Variants in UBE2E2 observed in about 807,000 individuals in gnomAD.
UBE2E2 encodes ubiquitin conjugating enzyme E2 E2.
A neutral mutation model predicts 24.7 loss-of-function variants in UBE2E2; 6 were observed. That is an observed-to-expected ratio of 0.24 (90% CI 0.13 to 0.48). UBE2E2 has a LOEUF of 0.48. Among genes scored for constraint, UBE2E2 ranks in the 20% least tolerant of loss-of-function variants. UBE2E2 has a pLI of 0.99. For synonymous variants in UBE2E2, 104 were observed against 83.6 expected, an observed-to-expected ratio of 1.24 and a Z score of -1.33; for missense variants, 169 against 245.0, an observed-to-expected ratio of 0.69 and a Z score of 2.07.
intron 3 of UBE2E2, among the ~76,000 whole-genome samples, chr3:23,441,086 C>T (rs773188840): frequency 2.6e-5 from 4 of 152,166 alleles, no homozygotes; most frequent in Non-Finnish European, 5.9e-5. Flanking sequence ...GGGGTTTTTA[C>T]ACCGACTTGC....
chr3:23,457,346 A>G (rs1698701475), intron 3 of UBE2E2, among the ~76,000 whole-genome samples: 1 of 152,210 alleles, frequency 6.6e-6, no homozygotes, highest in Admixed American at 6.5e-5. Flanking sequence ...AGCTCAAGGT[A>G]TAACACTTAC....
At chr3:23,386,949 C>G (rs1386479058) in intron 3 of UBE2E2, among the ~76,000 whole-genome samples, 1 of 152,170 alleles carries the variant, frequency 6.6e-6, no homozygotes, top group Non-Finnish European at 1.5e-5. Flanking sequence ...GCCTGACCTT[C>G]TGATCAGTTA....
At chr3:23,545,024 T>TGCCC (rs1418289965) in intron 5 of UBE2E2, among the ~76,000 whole-genome samples, 1 of 152,260 alleles carries the variant, frequency 6.6e-6, no homozygotes, top group Non-Finnish European at 1.5e-5. Context: ...GCAGTATTGC[T>TGCCC]GCCCGCATGT....
chr3:23,309,630 T>C (rs989457947), intron 3 of UBE2E2, among the ~76,000 whole-genome samples: 2 of 152,188 alleles, frequency 1.3e-5, no homozygotes, highest in Non-Finnish European at 2.9e-5. Flanking sequence ...GTATACTGTA[T>C]GTCAGAGCAT....
At position 23,489,842 on chromosome 3, in the gene UBE2E2, C is replaced by T. The variant is rs183383808; in HGVS notation, c.228-9766C>T. ...CTTTTCTGACCCTTAATATTATCGC[C>T]TTTGAAATGAAGGCCTTCAATGGAA... On this transcript the variant is annotated intron_variant, in intron 3 of 5. Transcript: ENST00000396703. Among the ~76,000 whole-genome samples, 233 of 152,256 alleles carry T rather than the reference C, an allele frequency of 1.5e-3. 1 individual carries two copies. Among genetic ancestry groups the T allele is most frequent in the Non-Finnish European group, 2.9e-3 (194 of 68,024 alleles).
At position 23,488,792 on chromosome 3, in the gene UBE2E2, G is replaced by A. The variant is rs149763267; in HGVS notation, c.228-10816G>A. On this transcript the variant is annotated intron_variant, in intron 3 of 5. Coordinates refer to ENST00000396703, the MANE Select transcript of UBE2E2 (RefSeq NM_152653.4). ...TTTCCCTGCCTAACAGGTGGGAGGT[G>A]GGGGCGGAATTAATTTAAGAAATAT... Among the ~76,000 whole-genome samples the A allele has an allele frequency of 2.6e-4, 39 of 152,258 alleles. No homozygotes were observed. The East Asian group carries it at 6.2e-3, about 24-fold the overall frequency.
At chr3:23,563,344 G>T (rs1361678539) in intron 5 of UBE2E2, among the ~76,000 whole-genome samples, 1 of 152,154 alleles carries the variant, frequency 6.6e-6, no homozygotes, top group African/African-American at 2.4e-5. Context: ...AGTGATTCAG[G>T]AGCGGGTTGT....
At chr3:23,495,298 G>GCA (rs1232214224) in intron 3 of UBE2E2, among the ~76,000 whole-genome samples, 1 of 152,160 alleles carries the variant, frequency 6.6e-6, no homozygotes, top group African/African-American at 2.4e-5. Context: ...TTGAGTTTAT[G>GCA]TTATCTGCAG....
In UBE2E2 at chr3:23,342,035, C is replaced by T. The variant is rs535151399; in HGVS notation, c.227+124723C>T. On this transcript the variant is annotated intron_variant, in intron 3 of 5. Coordinates refer to ENST00000396703, the MANE Select transcript of UBE2E2 (RefSeq NM_152653.4). ...TTCTTGCCCAAGCATTAGGTGTTTA[C>T]AAAATGTATTGTTTACAGTGGAGAC... is the stretch of plus-strand genomic sequence containing the variant. Among the ~76,000 whole-genome samples the T allele has an allele frequency of 4.6e-5, 7 of 152,270 alleles. No individual in the cohort carries two copies. The East Asian group carries it at 1.3e-3, about 29-fold the overall frequency.
intron 3 of UBE2E2, among the ~76,000 whole-genome samples, chr3:23,275,454 A>C (rs1002432289): frequency 3.9e-5 from 6 of 152,196 alleles, no homozygotes; most frequent in African/African-American, 1.4e-4. Flanking sequence ...CCTAGATCAA[A>C]TCCTGCATTG....
At chr3:23,445,143 A>G (rs192888686) in intron 3 of UBE2E2, among the ~76,000 whole-genome samples, 2 of 152,286 alleles carry the variant, frequency 1.3e-5, no homozygotes, top group East Asian at 3.9e-4. Flanking sequence ...GGTGAGAGGA[A>G]GCACCTTGGC....
chr3:23,267,717 C>T (rs1698090341), intron 3 of UBE2E2, among the ~76,000 whole-genome samples: 1 of 152,124 alleles, frequency 6.6e-6, no homozygotes, highest in African/African-American at 2.4e-5. Context: ...AGGCCAGCAT[C>T]ATCCTGATAC....
chr3:23,266,922 A>G (rs1398662882), intron 3 of UBE2E2, among the ~76,000 whole-genome samples: 1 of 152,222 alleles, frequency 6.6e-6, no homozygotes, highest in Non-Finnish European at 1.5e-5. Flanking sequence ...ATGCAACTAC[A>G]TGGAAACTGA....
chr3:23,339,109 T>A (rs192127064), intron 3 of UBE2E2, among the ~76,000 whole-genome samples: 1 of 152,316 alleles, frequency 6.6e-6, no homozygotes, highest in East Asian at 1.9e-4. Context: ...TTTTCTGATA[T>A]GATGTACTGA....
chr3:23,285,855 C>A (rs1052094243), intron 3 of UBE2E2, among the ~76,000 whole-genome samples: 31 of 152,202 alleles, frequency 2.0e-4, no homozygotes, highest in African/African-American at 7.2e-4. Flanking sequence ...ACCACCACAT[C>A]TAGCTAATTT....
intron 3 of UBE2E2, among the ~76,000 whole-genome samples, chr3:23,266,258 T>C (rs1416252542): frequency 2.0e-5 from 3 of 152,344 alleles, no homozygotes; most frequent in East Asian, 3.9e-4. Flanking sequence ...TCTTTACAAT[T>C]TGGCATGATT....
chr3:23,309,931 A>G (rs1433134475), intron 3 of UBE2E2, among the ~76,000 whole-genome samples: 1 of 152,156 alleles, frequency 6.6e-6, no homozygotes, highest in Non-Finnish European at 1.5e-5. Flanking sequence ...GAAGATGGAG[A>G]GGAAGAGAAA....
chr3:23,209,324 C>T (rs1298143458), intron 2 of UBE2E2, among the ~76,000 whole-genome samples: 1 of 152,130 alleles, frequency 6.6e-6, no homozygotes. Context: ...ACAGGTGCAT[C>T]TTGGTTTCAT....
intron 3 of UBE2E2, among the ~76,000 whole-genome samples, chr3:23,356,177 A>G (rs1463588989): frequency 6.6e-6 from 1 of 152,188 alleles, no homozygotes; most frequent in African/African-American, 2.4e-5. Context: ...CAGGGTCAGG[A>G]GAAAGCGGCA....
Sources: allele counts gnomAD v4.1 joint callset (sites outside exome capture counted in the v4.1 genomes callset), GRCh38; gene constraint gnomAD v4.1.1; transcripts MANE v1.5; gene names NCBI Gene and HGNC (gene_info 2026-07-23, HGNC 2026-07-21).